MGMT: variants seen among roughly 807,000 people sequenced by gnomAD.
The protein encoded by MGMT is methylated-DNA--protein-cysteine methyltransferase.
MGMT carries 14 observed loss-of-function variants against 15.9 expected under a neutral mutation model. The observed-to-expected ratio is 0.88, with a 90% CI of 0.58 to 1.37. The LOEUF (loss-of-function observed/expected upper bound fraction) is 1.37, where lower values mean the gene tolerates loss of function less well. Ranked by LOEUF, MGMT falls within the 40% of genes most tolerant of loss-of-function variation. The pLI is 0.00. For missense variants in MGMT, 282 were observed against 268.1 expected (o/e 1.05, Z -0.36); for synonymous variants, 130 against 118.2 (o/e 1.10, Z -0.65).
intron 2 of MGMT, among the ~76,000 whole-genome samples, chr10:129,579,081 A>G (rs920555663): frequency 2.6e-5 from 4 of 152,126 alleles, no homozygotes; most frequent in African/African-American, 9.7e-5. Context: ...TGTTATATTG[A>G]CCTAACAGAT....
chr10:129,676,002 G>A (rs1847780925), intron 2 of MGMT, among the ~76,000 whole-genome samples: 1 of 152,212 alleles, frequency 6.6e-6, no homozygotes, highest in South Asian at 2.1e-4. Flanking sequence ...CTGCTACCTG[G>A]CACTGCGCCG....
At chr10:129,584,228 C>A (rs921238314) in intron 2 of MGMT, among the ~76,000 whole-genome samples, 1 of 152,106 alleles carries the variant, frequency 6.6e-6, no homozygotes, top group Admixed American at 6.5e-5. Flanking sequence ...GGAGGGGCAC[C>A]ATTTGGTTTG....
intron 2 of MGMT, among the ~76,000 whole-genome samples, chr10:129,702,416 T>A (rs972333494): frequency 2.0e-5 from 3 of 152,218 alleles, no homozygotes; most frequent in Non-Finnish European, 4.4e-5. Context: ...TCATGATATT[T>A]GCCTCGGGAT....
At position 129,497,479 on chromosome 10, in the gene MGMT, T is replaced by C. The variant is rs904952898; in HGVS notation, c.-13+30183T>C. On this transcript the variant is annotated intron_variant, in intron 1 of 4. Coordinates refer to ENST00000651593, the MANE Select transcript of MGMT (RefSeq NM_002412.5). ...ACGGAATGGCTTTTTGGGGGGACTT[T>C]TTATTTTGAGATAAATTTTAGACTT... is the stretch of plus-strand genomic sequence containing the variant. Among the ~76,000 whole-genome samples the C allele has an allele frequency of 7.9e-5, 12 of 152,200 alleles. No individual in the cohort carries two copies. In the South Asian group the frequency reaches 1.9e-3, roughly 24 times the overall value.
At chr10:129,740,748 C>A (rs546555609) in intron 3 of MGMT, among the ~76,000 whole-genome samples, 1 of 152,270 alleles carries the variant, frequency 6.6e-6, no homozygotes, top group South Asian at 2.1e-4. Context: ...CCAGGGCGAC[C>A]TTGGATAGGC....
chr10:129,739,011 A>G (rs1027547349), intron 3 of MGMT, among the ~76,000 whole-genome samples: 2 of 152,226 alleles, frequency 1.3e-5, no homozygotes, highest in Non-Finnish European at 2.9e-5. Flanking sequence ...TACACAAATC[A>G]ATAAACATGT....
chr10:129,724,784 C>T (rs1848413066), intron 3 of MGMT, among the ~76,000 whole-genome samples: 1 of 152,212 alleles, frequency 6.6e-6, no homozygotes, highest in African/African-American at 2.4e-5. Context: ...TCTTCCAACT[C>T]TATGTGGCTG....
intron 3 of MGMT, among the ~76,000 whole-genome samples, chr10:129,712,606 C>T (rs77969755): frequency 0.041 from 6,165 of 152,192 alleles, 351 homozygotes; most frequent in African/African-American, 0.12. Context: ...AGGGTGAATT[C>T]GTTAAGGTTC....
At chr10:129,546,130 A>G (rs1429999421) in intron 2 of MGMT, among the ~76,000 whole-genome samples, 3 of 152,196 alleles carry the variant, frequency 2.0e-5, no homozygotes, top group African/African-American at 7.2e-5. Context: ...CATTCTCTAA[A>G]CGTGTGAGTG....
intron 2 of MGMT, among the ~76,000 whole-genome samples, chr10:129,680,257 G>A (rs1847835056): frequency 6.6e-6 from 1 of 152,158 alleles, no homozygotes; most frequent in African/African-American, 2.4e-5. Context: ...GCCAAGACAA[G>A]CTAGTTAAAA....
chr10:129,519,768 G>T (rs967917316), intron 1 of MGMT, among the ~76,000 whole-genome samples: 5 of 152,170 alleles, frequency 3.3e-5, no homozygotes, highest in African/African-American at 1.2e-4. Context: ...TCAGTGGTGT[G>T]CAGGCTTAAT....
At chr10:129,555,620 C>T (rs953188378) in intron 2 of MGMT, among the ~76,000 whole-genome samples, 7 of 152,036 alleles carry the variant, frequency 4.6e-5, no homozygotes, top group Middle Eastern at 3.4e-3. Flanking sequence ...GAGGCTGAGG[C>T]GGGAGGACCG....
chr10:129,721,912 C>G (rs1848376666), intron 3 of MGMT, among the ~76,000 whole-genome samples: 1 of 151,354 alleles, frequency 6.6e-6, no homozygotes, highest in Non-Finnish European at 1.5e-5. Context: ...AGACTTAAAC[C>G]CAATCATATT....
intron 2 of MGMT, among the ~76,000 whole-genome samples, chr10:129,690,746 G>A (rs1314198361): frequency 1.3e-5 from 2 of 152,074 alleles, no homozygotes; most frequent in African/African-American, 4.8e-5. Context: ...GGGGAAAAGG[G>A]GAGAAGGTCA....
chr10:129,740,952 G>A (rs1848624730), intron 3 of MGMT, among the ~76,000 whole-genome samples: 1 of 152,166 alleles, frequency 6.6e-6, no homozygotes, highest in South Asian at 2.1e-4. Context: ...CTTCAAATGA[G>A]TGCCCCTACC....
Position 129,580,479 on chromosome 10 carries a change from C to T in MGMT, c.125+44102C>T, listed in dbSNP as rs375503117. The stretch of plus-strand genomic sequence containing the variant: ...ACACGAGGAGGCTGGCTCCAGGGCC[C>T]GTGGGCTTTGAGCGAGGAAGGCCTT... On this transcript the variant is annotated intron_variant, in intron 2 of 4. Transcript: ENST00000651593. 4.7e-4 allele frequency among the ~76,000 whole-genome samples: 72 copies of T among 152,268 alleles called. 2 individuals are homozygous for T. The South Asian group carries it at 6.2e-3, about 13-fold the overall frequency.
intron 3 of MGMT, 91 bp from the exon 4 acceptor site, chr10:129,759,111 T>A: frequency 6.8e-7 from 1 of 1,480,268 alleles, no homozygotes; most frequent in Non-Finnish European, 9.3e-7. Flanking sequence ...TTTGTGTAGA[T>A]GCGTTTCCTG....
At chr10:129,760,227 G>A (rs1333746189) in intron 4 of MGMT, among the ~76,000 whole-genome samples, 2 of 152,196 alleles carry the variant, frequency 1.3e-5, no homozygotes, top group African/African-American at 2.4e-5. Context: ...TGCCATGTGC[G>A]CCCGGCCAAG....
At position 129,527,506 on chromosome 10, in the gene MGMT, G is replaced by A. The variant is rs147864284; in HGVS notation, c.-12-8735G>A. 7.4e-4 allele frequency among the ~76,000 whole-genome samples: 112 copies of A among 152,266 alleles called. 2 individuals carry two copies. The East Asian group carries it at 0.017, about 23-fold the overall frequency. ...TGGGCTGCTTCAGGGAAGGCGGGCC[G>A]GGAATTCCTCTCTGTAAGACAGGCC... On this transcript the variant is annotated intron_variant, in intron 1 of 4. Coordinates refer to ENST00000651593, the MANE Select transcript of MGMT (RefSeq NM_002412.5).
Sources: allele counts gnomAD v4.1 joint callset (sites outside exome capture counted in the v4.1 genomes callset), GRCh38; gene constraint gnomAD v4.1.1; transcripts MANE v1.5; gene names NCBI Gene and HGNC (gene_info 2026-07-23, HGNC 2026-07-21).